Variants in OR4E2 observed in about 807,000 individuals in gnomAD.
OR4E2 encodes olfactory receptor family 4 subfamily E member 2.
A neutral mutation model predicts 11.0 loss-of-function variants in OR4E2; 9 were observed. That is an observed-to-expected ratio of 0.82 (90% CI 0.49 to 1.43). The LOEUF (loss-of-function observed/expected upper bound fraction) is 1.43, where lower values mean the gene tolerates loss of function less well. OR4E2 is among the 40% of genes most tolerant of loss of function. OR4E2 has a pLI of 0.00. For missense variants in OR4E2, 441 were observed against 382.0 expected (o/e 1.15, Z -1.29); for synonymous variants, 159 against 147.3 (o/e 1.08, Z -0.57).
Position 21,657,436 on chromosome 14 carries a change from TTTCTTTCCTTCCTTCC to T in OR4E2, c.-103+851_-103+866del, listed in dbSNP as rs1258447425. 6.4e-4 allele frequency among the ~76,000 whole-genome samples: 62 copies of T among 97,148 alleles called. 2 individuals are homozygous for T. The highest frequency in any genetic ancestry group is 2.3e-3 in the African/African-American group (57 of 24,922). The allele number at this position is 97,148 out of a possible 152,430, so 63.7% of individuals were successfully genotyped here. A position where few individuals can be genotyped will look rare whatever the true frequency, so the allele number is the denominator to read the frequency against. ...TTTCTTTCTTTCTCTTTCTTTCTTC[TTTCTTTCCTTCCTTCC>T]TTCCTTCCTTCCTTCCTTCCTTCCT... On this transcript the variant is annotated intron_variant, in intron 2 of 3. Transcript: ENST00000641524.
At position 21,665,509 on chromosome 14, in the gene OR4E2, C is replaced by T; in HGVS notation, c.427C>T (p.Gln143Ter). The change falls in exon 4 of 4, where the codon CAG becomes TAG. Residue 143 changes from glutamine (Q) to a stop codon, truncating the protein, a stop_gained. Transcript: ENST00000641524. LOFTEE classifies it high-confidence loss of function. ...PNVMNMRVCIQLVFALWLGGT... is the reference protein window; with the variant it reads ...PNVMNMRVCI ...TGTGATGAACATGAGAGTCTGTATA[C>T]AGCTTGTCTTTGCTCTCTGGTTGGG... The T allele has an allele frequency of 6.2e-7, 1 of 1,614,202 alleles. No individual in the cohort carries two copies. The highest frequency in any genetic ancestry group is 8.5e-7 in the Non-Finnish European group (1 of 1,180,042).
intron 2 of OR4E2, among the ~76,000 whole-genome samples, chr14:21,658,454 C>T (rs1880136051): frequency 6.6e-6 from 1 of 152,174 alleles, no homozygotes; most frequent in Non-Finnish European, 1.5e-5. Flanking sequence ...AAATCATGTT[C>T]CTCTTGGCAA....
At chr14:21,654,170 T>C (rs1594539946) in intron 1 of OR4E2, among the ~76,000 whole-genome samples, 1 of 152,136 alleles carries the variant, frequency 6.6e-6, no homozygotes, top group Non-Finnish European at 1.5e-5. Flanking sequence ...TTGTTACTTA[T>C]TTAAGGTGGG....
At chr14:21,658,722 AGCT>A (rs1880150672) in intron 2 of OR4E2, among the ~76,000 whole-genome samples, 1 of 152,148 alleles carries the variant, frequency 6.6e-6, no homozygotes, top group East Asian at 1.9e-4. Flanking sequence ...TACATTGTGG[AGCT>A]GCTGTGGGAA....
intron 2 of OR4E2, among the ~76,000 whole-genome samples, 196 bp from the exon 3 acceptor site, chr14:21,660,457 A>C (rs1566584539): frequency 6.6e-6 from 1 of 152,200 alleles, no homozygotes; most frequent in East Asian, 1.9e-4. Context: ...AGGAATACCA[A>C]GGAGGACAAC....
intron 2 of OR4E2, among the ~76,000 whole-genome samples, chr14:21,659,206 T>C (rs776426337): frequency 7.9e-5 from 12 of 152,082 alleles, no homozygotes; most frequent in Non-Finnish European, 1.3e-4. Flanking sequence ...CAGCTAATTT[T>C]AAAATTTTTG....
chr14:21,665,272 A>G lies in OR4E2; in HGVS notation c.190A>G (p.Ser64Gly). ...CCATACCCCCATGTATTTCTTCCTGAGCAATCTGTCCTTTATTGACATCTG... is the reference window on the plus strand; with the variant it reads ...CCATACCCCCATGTATTTCTTCCTGGGCAATCTGTCCTTTATTGACATCTG... ...SLHTPMYFFLSNLSFIDICHS... is the reference protein window; with the variant it reads ...SLHTPMYFFLGNLSFIDICHS... The change falls in exon 4 of 4, where the codon AGC becomes GGC. Residue 64 changes from serine to glycine, a missense_variant. Ser to Gly is a moderately conservative substitution (Grantham distance 56, BLOSUM62 0). Coordinates refer to ENST00000641524, the MANE Select transcript of OR4E2 (RefSeq NM_001001912.3). 1 of 1,614,102 alleles carries G rather than the reference A, an allele frequency of 6.2e-7. No individual in the cohort carries two copies.
At chr14:21,657,868 C>G (rs551742671) in intron 2 of OR4E2, among the ~76,000 whole-genome samples, 5 of 152,252 alleles carry the variant, frequency 3.3e-5, no homozygotes, top group Admixed American at 2.6e-4. Context: ...GGATTACAGG[C>G]ATAAGCCACT....
chr14:21,656,816 G>A (rs1379799064), intron 2 of OR4E2, among the ~76,000 whole-genome samples: 5 of 152,140 alleles, frequency 3.3e-5, no homozygotes, highest in African/African-American at 9.7e-5. Flanking sequence ...GCCTATGAAG[G>A]CACCTGCACA....
At chr14:21,659,173 C>A (rs1190134760) in intron 2 of OR4E2, among the ~76,000 whole-genome samples, 1 of 151,964 alleles carries the variant, frequency 6.6e-6, no homozygotes, top group Non-Finnish European at 1.5e-5. Flanking sequence ...GTAGCTAGGA[C>A]TATAGACATG....
Position 21,665,999 on chromosome 14 carries a change from T to A in OR4E2, c.917T>A (p.Val306Asp), listed in dbSNP as rs1422163210. 1 of 1,613,312 alleles carries A rather than the reference T, an allele frequency of 6.2e-7. No homozygotes were observed. The highest frequency in any genetic ancestry group is 1.7e-5 in the Admixed American group (1 of 59,906). ...SAMKQLRQRQ[V>D]FFTKSYT ...ATGAAGCAGCTCAGGCAGAGACAAG[T>A]TTTTTTCACGAAATCATATACATAA... Residue 306 changes from valine (V) to aspartate (D), a missense_variant, in exon 4 of 4, where the codon GTT becomes GAT. Physicochemically the swap from Val to Asp is radical, Grantham distance 152. Coordinates refer to ENST00000641524, the MANE Select transcript of OR4E2 (RefSeq NM_001001912.3).
At chr14:21,654,116 T>C (rs1481798187) in intron 1 of OR4E2, among the ~76,000 whole-genome samples, 177 bp downstream of exon 1, 1 of 152,188 alleles carries the variant, frequency 6.6e-6, no homozygotes, top group Non-Finnish European at 1.5e-5. Flanking sequence ...TGCTGAGTTT[T>C]GCTATCCTCT....
At chr14:21,663,368 T>A (rs1880441763) in intron 3 of OR4E2, among the ~76,000 whole-genome samples, 1 of 151,986 alleles carries the variant, frequency 6.6e-6, no homozygotes, top group Non-Finnish European at 1.5e-5. Context: ...TAGTCCCAGC[T>A]ACTTGGGAGG....
rs1435548021 is a variant in OR4E2, at chr14:21,653,905, C to CGAA, written c.-224_-222dup. The CGAA allele has an allele frequency of 2.0e-5, 3 of 151,792 alleles. No homozygotes were observed. Among genetic ancestry groups the CGAA allele is most frequent in the Non-Finnish European group, 4.4e-5 (3 of 67,976 alleles). The allele number at this position is 151,792 out of a possible 1,614,324, so 9.4% of individuals were successfully genotyped here. A position where few individuals can be genotyped will look rare whatever the true frequency, so the allele number is the denominator to read the frequency against. The stretch of plus-strand genomic sequence containing the variant: ...GGCTTCTATAATAGGGTATCAGAGG[C>CGAA]GAATGGAATCATTAGAGGAGATACA... On this transcript the variant is annotated 5_prime_UTR_variant, in exon 1 of 4. It adds an upstream start codon to the 5' untranslated region. Coordinates refer to ENST00000641524, the MANE Select transcript of OR4E2 (RefSeq NM_001001912.3).
chr14:21,663,395 G>A (rs1298938145), intron 3 of OR4E2, among the ~76,000 whole-genome samples: 2 of 152,036 alleles, frequency 1.3e-5, no homozygotes, highest in African/African-American at 2.4e-5. Context: ...TAGGAGAATG[G>A]TGTGAACCTG....
intron 3 of OR4E2, among the ~76,000 whole-genome samples, chr14:21,663,499 TG>T (rs1255907558): frequency 4.6e-5 from 7 of 151,138 alleles, no homozygotes; most frequent in Admixed American, 6.6e-5. Context: ...TTTTTTTTTT[TG>T]ATTTAGTGGA....
At chr14:21,657,348 T>A (rs549960424) in intron 2 of OR4E2, among the ~76,000 whole-genome samples, 12 of 138,436 alleles carry the variant, frequency 8.7e-5, no homozygotes, top group South Asian at 5.1e-4. Flanking sequence ...CTTCCTTCCT[T>A]CCTTCCTTCC....
chr14:21,654,674 C>T (rs748738934), intron 1 of OR4E2, among the ~76,000 whole-genome samples: 9 of 151,372 alleles, frequency 5.9e-5, no homozygotes, highest in South Asian at 4.2e-4. Context: ...AAAAAATCTG[C>T]GTATAAGTGG....
chr14:21,657,537 C>A (rs1286351153), intron 2 of OR4E2, among the ~76,000 whole-genome samples: 2 of 140,974 alleles, frequency 1.4e-5, no homozygotes, highest in Non-Finnish European at 3.1e-5. Context: ...TTCTTTCTTT[C>A]TTTCTTTTTC....
Sources: allele counts gnomAD v4.1 joint callset (sites outside exome capture counted in the v4.1 genomes callset), GRCh38; gene constraint gnomAD v4.1.1; transcripts MANE v1.5; gene names NCBI Gene and HGNC (gene_info 2026-07-23, HGNC 2026-07-21).